The following TAF1C variants were observed in gnomAD, a reference collection of about 807,000 sequenced individuals.
TAF1C encodes TATA box-binding protein-associated factor RNA polymerase I subunit C.
Under a neutral mutation model 70.5 loss-of-function variants are expected in TAF1C, and 79 were observed. The observed-to-expected ratio is 1.12, with a 90% CI of 0.93 to 1.35. The LOEUF (loss-of-function observed/expected upper bound fraction) is 1.35. Among genes scored for constraint, TAF1C ranks in the 40% most tolerant of loss-of-function variants. The pLI is 0.00. For synonymous variants in TAF1C, 614 were observed against 491.1 expected (o/e 1.25, Z -3.31); for missense variants, 1,412 against 1,127.8 (o/e 1.25, Z -3.61).
chr16:84,184,932 C>T lies in TAF1C; in HGVS notation c.57G>A (p.Leu19=), dbSNP rs370093677. ...PALFLTGPLG[L]SDVPDLSFMC... ...TGAAAGAGAGGTCAGGGACGTCGCT[C>T]AGACCAAGGGGGCCGGTCAGAAACA... Residue 19 remains leucine (L), a synonymous_variant, in exon 2 of 15, where the codon CTG becomes CTA. Coordinates refer to ENST00000566732, the MANE Select transcript of TAF1C (RefSeq NM_001243156.2). 11 of 1,613,726 alleles carry T rather than the reference C, an allele frequency of 6.8e-6. No homozygotes were observed. In the African/African-American group the frequency reaches 9.3e-5, roughly 14 times the overall value.
chr16:84,179,531 CT>C lies in TAF1C; in HGVS notation c.1941del (p.Glu648ArgfsTer40), dbSNP rs1267960785. 2 of 1,607,356 alleles carry C rather than the reference CT, an allele frequency of 1.2e-6. No individual in the cohort carries two copies. Among genetic ancestry groups the C allele is most frequent in the Non-Finnish European group, 8.5e-7 (1 of 1,176,588 alleles). ...MLGSTELRRE[E>X]EEGQRLGVLR... ...AGCACACCCAGCCGCTGCCCTTCCT[CT>C]TCCTCCCTCCGCAGCTCTGTGCTGC... On this transcript the variant is annotated frameshift_variant, in exon 15 of 15. Transcript: ENST00000566732. LOFTEE classifies it low-confidence loss of function (END_TRUNC).
Position 84,179,258 on chromosome 16 carries a change from G to C in TAF1C, c.2215C>G (p.His739Asp). 1 of 1,585,466 alleles carries C rather than the reference G, an allele frequency of 6.3e-7. No individual in the cohort carries two copies. The highest frequency in any genetic ancestry group is 1.1e-5 in the South Asian group (1 of 88,990). The change falls in exon 15 of 15, where the codon CAT (histidine) becomes GAT (aspartate). Residue 739 changes from histidine to aspartate, a missense_variant. By Grantham distance (81) the His-to-Asp change is moderately conservative. Coordinates refer to ENST00000566732, the MANE Select transcript of TAF1C (RefSeq NM_001243156.2). ...QLSSSFSLSG[H>D]VDPSEDTSSP... ...CTGGTGTCCTCTGAGGGATCCACAT[G>C]GCCACTGAGCGAAAAGCTGCTGGAC...
intron 12 of TAF1C, chr16:84,180,640 C>G: frequency 1.6e-6 from 1 of 639,206 alleles, no homozygotes; most frequent in Non-Finnish European, 2.4e-6. Flanking sequence ...TCGCAGCCAC[C>G]CCCACTCTCC....
chr16:84,179,790 C>A lies in TAF1C; in HGVS notation c.1683G>T (p.Gln561His), dbSNP rs2089016027. Residue 561 changes from glutamine (Q) to histidine (H), a missense_variant, in exon 15 of 15, where the codon CAG becomes CAT. Gln to His is a conservative substitution (Grantham distance 24, BLOSUM62 0). Transcript: ENST00000566732. ...AGAAGACATCTCCCGCCGCCGAGAGCTGGAAGAGCACCAGGCCTGGTGTGG... is the reference window on the plus strand; with the variant it reads ...AGAAGACATCTCCCGCCGCCGAGAGATGGAAGAGCACCAGGCCTGGTGTGG... ...SAPTPGLVLFQLSAAGDVFYQ... is the reference protein window; with the variant it reads ...SAPTPGLVLFHLSAAGDVFYQ... 1 of 1,610,138 alleles carries A rather than the reference C, an allele frequency of 6.2e-7. No individual in the cohort carries two copies. Among genetic ancestry groups the A allele is most frequent in the Non-Finnish European group, 8.5e-7 (1 of 1,178,912 alleles).
chr16:84,181,405 G>A lies in TAF1C; in HGVS notation c.1087C>T (p.Arg363Cys), dbSNP rs140327311. The A allele has an allele frequency of 1.0e-3, 1,682 of 1,613,888 alleles. 1 individual carries two copies. The highest frequency in any genetic ancestry group is 1.9e-3 in the Admixed American group (115 of 60,010). Residue 363 changes from arginine to cysteine, a missense_variant, in exon 11 of 15, where the codon CGT becomes TGT. Coordinates refer to ENST00000566732, the MANE Select transcript of TAF1C (RefSeq NM_001243156.2). ...GGGTGCGCAGTGAAGTCTGCCCAACGCCACGAAGAGGAGTCCCGGAACACG... is the reference window on the plus strand; with the variant it reads ...GGGTGCGCAGTGAAGTCTGCCCAACACCACGAAGAGGAGTCCCGGAACACG... ...TLVFRDSSSWRWADFTAHPRV... is the reference protein window; with the variant it reads ...TLVFRDSSSWCWADFTAHPRV...
At position 84,181,339 on chromosome 16, in the gene TAF1C, G is replaced by A. The variant is rs1011830426; in HGVS notation, c.1153C>T (p.Leu385=). 1.9e-6 allele frequency: 3 copies of A among 1,613,450 alleles called. No homozygotes were observed. Among genetic ancestry groups the A allele is most frequent in the Admixed American group, 3.3e-5 (2 of 59,982 alleles). The change falls in exon 11 of 15, where the codon CTG becomes TTG. Residue 385 remains leucine, a synonymous_variant. Transcript: ENST00000566732. ...CCGCCAGCCCGTACCTGAGTGTCCA[G>A]CATCTTCACTCCGGTGCGGTCACCC... is the stretch of plus-strand genomic sequence containing the variant. ...TVGDRTGVKM[L]DTQGPPGCGL...
Position 84,178,819 on chromosome 16 carries a change from T to C in TAF1C, c.*122A>G. On this transcript the variant is annotated 3_prime_UTR_variant, in exon 15 of 15. Coordinates refer to ENST00000566732, the MANE Select transcript of TAF1C (RefSeq NM_001243156.2). Reference sequence around the variant, plus strand: ...TGGCTCCAAATTGCTTGGCTCATCATCACAGTGGCCTCCAGAAGGTGGCGA... The same window carrying C: ...TGGCTCCAAATTGCTTGGCTCATCACCACAGTGGCCTCCAGAAGGTGGCGA... 1.8e-6 allele frequency: 2 copies of C among 1,126,244 alleles called. No homozygotes were observed. The highest frequency in any genetic ancestry group is 2.5e-6 in the Non-Finnish European group (2 of 806,206). 69.8% of individuals were successfully genotyped at this position (1,126,244 alleles called of 1,614,324 possible). A position where few individuals can be genotyped will look rare whatever the true frequency, so the allele number is the denominator to read the frequency against.
chr16:84,179,429 C>T lies in TAF1C; in HGVS notation c.2044G>A (p.Ala682Thr), dbSNP rs754812263. 6.3e-6 allele frequency: 10 copies of T among 1,596,958 alleles called. 1 individual carries two copies. The highest frequency in any genetic ancestry group is 2.2e-5 in the South Asian group (2 of 90,774). Residue 682 changes from alanine (A) to threonine (T), a missense_variant, in exon 15 of 15, where the codon GCA (alanine) becomes ACA (threonine). Physicochemically the swap from Ala to Thr is moderately conservative, Grantham distance 58. Coordinates refer to ENST00000566732, the MANE Select transcript of TAF1C (RefSeq NM_001243156.2). ...GSLPAAEPPPAPESGLEDKLS... is the reference protein window; with the variant it reads ...GSLPAAEPPPTPESGLEDKLS... ...TTGTCCTCTAGGCCTGACTCGGGTG[C>T]AGGGGGTGGCTCTGCCGCAGGGAGG...
In TAF1C at chr16:84,179,223, ATGAGGGGAGCTGGTGTCCTC is replaced by A; in HGVS notation, c.2230_2249del (p.Glu744Ter). The stretch of plus-strand genomic sequence containing the variant: ...CATCAGCAGGTGGCCACTCAGGGCT[ATGAGGGGAGCTGGTGTCCTC>A]TGAGGGATCCACATGGCCACTGAGC... On this transcript the variant is annotated frameshift_variant, in exon 15 of 15. Transcript: ENST00000566732. LOFTEE classifies it low-confidence loss of function (END_TRUNC). 3.8e-6 allele frequency: 6 copies of A among 1,585,082 alleles called. No homozygotes were observed. The highest frequency in any genetic ancestry group is 5.1e-6 in the Non-Finnish European group (6 of 1,172,048).
At chr16:84,183,598 G>C in intron 3 of TAF1C, 91 bp from the exon 4 acceptor site, 1 of 1,537,940 alleles carries the variant, frequency 6.5e-7, no homozygotes, top group South Asian at 1.2e-5. Context: ...GTCCTGAGCA[G>C]GCACAGGCTT....
At chr16:84,180,742 TGCACA>T in intron 12 of TAF1C, 1 of 1,235,548 alleles carries the variant, frequency 8.1e-7, no homozygotes. Flanking sequence ...CCCCGCCTCC[TGCACA>T]GCAGAAACTC....
rs2088842130 is a variant in TAF1C at position 84,178,080 on chromosome 16, A to G, written c.*861T>C. On this transcript the variant is annotated 3_prime_UTR_variant, in exon 15 of 15. Transcript: ENST00000566732. ...CAAGTGAGCATTTTCCCCACAGGAA[A>G]ACAGAATCTTCCACTGCAGCTAGAG... 2 of 501,430 alleles carry G rather than the reference A, an allele frequency of 4.0e-6. No individual in the cohort carries two copies. The highest frequency in any genetic ancestry group is 4.0e-5 in the East Asian group (1 of 25,286). The allele number at this position is 501,430 out of a possible 1,614,324, so 31.1% of individuals were successfully genotyped here. A position where few individuals can be genotyped will look rare whatever the true frequency, so the allele number is the denominator to read the frequency against.
chr16:84,184,062 G>A (rs1417005966), intron 2 of TAF1C, among the ~76,000 whole-genome samples: 1 of 152,240 alleles, frequency 6.6e-6, no homozygotes, highest in Non-Finnish European at 1.5e-5. Flanking sequence ...AAAGAAGGAA[G>A]CCCCTCATGC....
At position 84,181,661 on chromosome 16, in the gene TAF1C, G is replaced by A; in HGVS notation, c.959C>T (p.Pro320Leu). The change falls in exon 10 of 15, where the codon CCT becomes CTT. Residue 320 changes from proline to leucine, a missense_variant and splice_region_variant. Coordinates refer to ENST00000566732, the MANE Select transcript of TAF1C (RefSeq NM_001243156.2). ...EKGATGISLS[P>L]HLPGELAICS... ...GATGGCCAGCTCCCCGGGCAGGTGA[G>A]GGCTACAGGGCAGGAATGCATTCAC... The A allele has an allele frequency of 6.2e-7, 1 of 1,613,940 alleles. No homozygotes were observed. The highest frequency in any genetic ancestry group is 2.2e-5 in the East Asian group (1 of 44,884).
rs1346017819 is a variant in TAF1C, at chr16:84,180,336, G to A, written c.1317C>T (p.Leu439=). ...TLHLVCTQFS[L]YLVDERLPLV... ...GGGGAAGGCGCTCGTCCACTAGGTA[G>A]AGAGAGAACTGGGGCCCGAGAAGGA... The change falls in exon 13 of 15, where the codon CTC becomes CTT. Residue 439 remains leucine (L), a synonymous_variant. Coordinates refer to ENST00000566732, the MANE Select transcript of TAF1C (RefSeq NM_001243156.2). 5.2e-6 allele frequency: 8 copies of A among 1,542,356 alleles called. No homozygotes were observed. Among genetic ancestry groups the A allele is most frequent in the African/African-American group, 2.7e-5 (2 of 72,760 alleles).
At position 84,180,782 on chromosome 16, in the gene TAF1C, C is replaced by T. The variant is rs528474577; in HGVS notation, c.1308+261G>A. 2.2e-6 allele frequency: 3 copies of T among 1,344,046 alleles called. No individual in the cohort carries two copies. In the Admixed American group the frequency reaches 9.9e-5, roughly 45 times the overall value. The allele number at this position is 1,344,046 out of a possible 1,614,324, so 83.3% of individuals were successfully genotyped here. On this transcript the variant is annotated intron_variant, in intron 12 of 14. Coordinates refer to ENST00000566732, the MANE Select transcript of TAF1C (RefSeq NM_001243156.2). Reference sequence around the variant, plus strand: ...CTCCAGCTCTGCACGGAAGCCCCACCCCGAGGCCCCTCCTCCCCTGCTCCA... The same window carrying T: ...CTCCAGCTCTGCACGGAAGCCCCACTCCGAGGCCCCTCCTCCCCTGCTCCA...
In TAF1C at chr16:84,181,124, C is replaced by T. The variant is rs143206643; in HGVS notation, c.1227G>A (p.Gly409=). 8.7e-6 allele frequency: 14 copies of T among 1,613,048 alleles called. No homozygotes were observed. The highest frequency in any genetic ancestry group is 1.3e-5 in the African/African-American group (1 of 74,900). The change falls in exon 12 of 15, where the codon GGG becomes GGA. Residue 409 remains glycine, a synonymous_variant. Coordinates refer to ENST00000566732, the MANE Select transcript of TAF1C (RefSeq NM_001243156.2). ...GGTACTGGGTAAGCAGGACACGTTCCCCTTTCTGGCACGAAGCCTCTGCCC... is the reference window on the plus strand; with the variant it reads ...GGTACTGGGTAAGCAGGACACGTTCTCCTTTCTGGCACGAAGCCTCTGCCC... The part of the protein sequence containing the change: ...RLGAEASCQK[G]ERVLLTQYLG...
chr16:84,179,640 G>GCTGCAGCCGGCAGTGTC lies in TAF1C; in HGVS notation c.1816_1832dup (p.Ser611ArgfsTer10). ...CTTTTAGCAGGGCCTTCAGCCACTG[G>GCTGCAGCCGGCAGTGTC]CTGCAGCCGGCAGTGTCCTGGGAGG... On this transcript the variant is annotated frameshift_variant, in exon 15 of 15. Transcript: ENST00000566732. LOFTEE classifies it low-confidence loss of function (END_TRUNC). 6.2e-7 allele frequency: 1 copy of GCTGCAGCCGGCAGTGTC among 1,612,396 alleles called. No individual in the cohort carries two copies. The highest frequency in any genetic ancestry group is 1.1e-5 in the South Asian group (1 of 91,032).
At chr16:84,179,882 G>C (rs1465983856) in intron 14 of TAF1C, 31 bp from the exon 15 acceptor site, 1 of 1,609,340 alleles carries the variant, frequency 6.2e-7, no homozygotes, top group African/African-American at 1.3e-5. Flanking sequence ...GACCTCCAGG[G>C]CCTAGCGGGG....
Sources: allele counts gnomAD v4.1 joint callset (sites outside exome capture counted in the v4.1 genomes callset), GRCh38; gene constraint gnomAD v4.1.1; transcripts MANE v1.5; gene names NCBI Gene and HGNC (gene_info 2026-07-23, HGNC 2026-07-21).